DDAH1: variants seen among roughly 807,000 people sequenced by gnomAD.
DDAH1 encodes N(G),N(G)-dimethylarginine dimethylaminohydrolase 1.
DDAH1 carries 19 observed loss-of-function variants against 28.8 expected under a neutral mutation model. The ratio of observed to expected loss-of-function variants is 0.66; its 90% confidence interval spans 0.46 to 0.97. The LOEUF (loss-of-function observed/expected upper bound fraction) is 0.97, where lower values mean the gene tolerates loss of function less well. DDAH1 is among the 50% of genes least tolerant of loss of function. The probability of loss-of-function intolerance (pLI) is 0.00; values close to 1 mark genes in which losing one functional copy is unlikely to be tolerated. For missense variants in DDAH1, 326 were observed against 375.9 expected (o/e 0.87, Z 1.10); for synonymous variants, 153 against 154.4 (o/e 0.99, Z 0.07).
At chr1:85,522,483 A>G (rs1657725390) in intron 1 of DDAH1, among the ~76,000 whole-genome samples, 1 of 147,114 alleles carries the variant, frequency 6.8e-6, no homozygotes, top group Non-Finnish European at 1.5e-5. Context: ...TTCTGTGCTA[A>G]GCTACTGTAT....
At chr1:85,425,729 T>C (rs1653364294) in intron 1 of DDAH1, among the ~76,000 whole-genome samples, 1 of 152,162 alleles carries the variant, frequency 6.6e-6, no homozygotes, top group Non-Finnish European at 1.5e-5. Context: ...GTAGGTTATT[T>C]TGTTTCATTT....
At chr1:85,333,758 AAAC>A (rs1404556347) in intron 4 of DDAH1, among the ~76,000 whole-genome samples, 3 of 152,182 alleles carry the variant, frequency 2.0e-5, no homozygotes, top group African/African-American at 7.2e-5. Flanking sequence ...GAAGAAAAAA[AAAC>A]AAGAAAGAAG....
Position 85,319,746 on chromosome 1 carries a change from AAAGTT to A in DDAH1, c.*1701_*1705del. 6.6e-6 allele frequency: 1 copy of A among 152,252 alleles called. No homozygotes were observed. The highest frequency in any genetic ancestry group is 1.5e-5 in the Non-Finnish European group (1 of 68,040). 9.4% of individuals were successfully genotyped at this position (152,252 alleles called of 1,614,324 possible). ...GATATCTGCATATGGCATGAATTAA[AAAGTT>A]AAGCAACAAGGAAGAGAAGGAGGAG... is the stretch of plus-strand genomic sequence containing the variant. On this transcript the variant is annotated 3_prime_UTR_variant, in exon 6 of 6. Transcript: ENST00000284031.
upstream of DDAH1, among the ~76,000 whole-genome samples, chr1:85,469,232 C>G (rs1156987751): frequency 6.6e-6 from 1 of 152,172 alleles, no homozygotes; most frequent in East Asian, 1.9e-4. Flanking sequence ...TGGTGTCTGC[C>G]TCCAGAGAAC....
intron 1 of DDAH1, among the ~76,000 whole-genome samples, chr1:85,547,050 C>T (rs1283496285): frequency 1.3e-5 from 2 of 152,058 alleles, no homozygotes; most frequent in Admixed American, 6.6e-5. Context: ...TCAAAAAGTC[C>T]AGCTCAAACC....
At position 85,568,949 on chromosome 1, in the gene DDAH1, T is replaced by C. The variant is rs145938160; in HGVS notation, c.-123+9035A>G. Reference sequence around the variant, plus strand: ...ATATACACACTATTTATGCAAGCTCTCCTCTAGACTGTGTCATCCTCAAAG... The same window carrying C: ...ATATACACACTATTTATGCAAGCTCCCCTCTAGACTGTGTCATCCTCAAAG... On this transcript the variant is annotated intron_variant, in intron 1 of 6. Coordinates refer to the DDAH1 transcript ENST00000426972. Among the ~76,000 whole-genome samples the C allele has an allele frequency of 7.0e-4, 106 of 152,304 alleles. 2 individuals are homozygous for C. The Middle Eastern group carries it at 0.01, about 15-fold the overall frequency.
At chr1:85,565,712 G>C (rs969484482) in intron 1 of DDAH1, among the ~76,000 whole-genome samples, 8 of 152,176 alleles carry the variant, frequency 5.3e-5, no homozygotes, top group Admixed American at 5.2e-4. Flanking sequence ...AAGGAATAAG[G>C]AGCACCAGAA....
At chr1:85,542,802 A>G (rs932319964) in intron 1 of DDAH1, among the ~76,000 whole-genome samples, 12 of 152,212 alleles carry the variant, frequency 7.9e-5, no homozygotes, top group Non-Finnish European at 1.6e-4. Flanking sequence ...AAAGAAACAC[A>G]GGTTTTTAAA....
At chr1:85,484,095 C>T (rs1007350992) in intron 2 of DDAH1, among the ~76,000 whole-genome samples, 1 of 152,014 alleles carries the variant, frequency 6.6e-6, no homozygotes, top group Non-Finnish European at 1.5e-5. Context: ...AAATGCACTT[C>T]TCAGTACATT....
intron 4 of DDAH1, among the ~76,000 whole-genome samples, chr1:85,336,043 G>A (rs1333402491): frequency 1.3e-5 from 2 of 151,692 alleles, no homozygotes; most frequent in Non-Finnish European, 2.9e-5. Flanking sequence ...TCTAAAGGGA[G>A]AGACAGACTC....
intron 2 of DDAH1, among the ~76,000 whole-genome samples, chr1:85,479,278 A>G (rs1235915113): frequency 7.0e-6 from 1 of 141,894 alleles, no homozygotes; most frequent in South Asian, 2.2e-4. Flanking sequence ...GGTTCACGCC[A>G]TTCTCCTGCC....
At chr1:85,413,321 C>T (rs1652745966) in intron 1 of DDAH1, among the ~76,000 whole-genome samples, 1 of 152,144 alleles carries the variant, frequency 6.6e-6, no homozygotes, top group Non-Finnish European at 1.5e-5. Context: ...ACTGAAGAGC[C>T]AAAGCTAAGC....
chr1:85,562,495 T>C (rs1439469053), intron 1 of DDAH1, among the ~76,000 whole-genome samples: 2 of 152,126 alleles, frequency 1.3e-5, no homozygotes, highest in Non-Finnish European at 2.9e-5. Flanking sequence ...TGTTTGGAAA[T>C]AGGCTGTTTA....
At chr1:85,403,242 T>TAC (rs1338793761) in intron 1 of DDAH1, among the ~76,000 whole-genome samples, 3 of 60,718 alleles carry the variant, frequency 4.9e-5, no homozygotes, top group Admixed American at 4.7e-4. Flanking sequence ...TGTGTGTATA[T>TAC]ATACACACAC....
chr1:85,375,378 T>A lies in DDAH1; in HGVS notation c.304-16531A>T, dbSNP rs367870441. Among the ~76,000 whole-genome samples the A allele has an allele frequency of 1.5e-4, 23 of 152,216 alleles. No individual in the cohort carries two copies. The East Asian group carries it at 3.3e-3, about 22-fold the overall frequency. On this transcript the variant is annotated intron_variant, in intron 1 of 5. Coordinates refer to ENST00000284031, the MANE Select transcript of DDAH1 (RefSeq NM_012137.4). ...ACACCTGATATTCCATAAGACTAGA[T>A]GAGGCTGCCAGCTCCTTGTCCACAC... is the stretch of plus-strand genomic sequence containing the variant.
chr1:85,464,681 C>T lies in DDAH1; in HGVS notation c.303+62G>A. 1.4e-6 allele frequency: 2 copies of T among 1,426,296 alleles called. No homozygotes were observed. Among genetic ancestry groups the T allele is most frequent in the East Asian group, 2.7e-5 (1 of 37,108 alleles). The allele number at this position is 1,426,296 out of a possible 1,614,324, so 88.4% of individuals were successfully genotyped here. A position where few individuals can be genotyped will look rare whatever the true frequency, so the allele number is the denominator to read the frequency against. ...TGGCGCGACTCCCCAGGCAACACGG[C>T]GGCCGGCGGCGGGGGAGGGCCTGGC... On this transcript the variant is annotated intron_variant, in intron 1 of 5. Transcript: ENST00000284031. This position sits in a 1 kb window ranked among gnomAD's most constrained non-coding sequence, Gnocchi z 4.4.
At chr1:85,511,619 GAA>G (rs1657236585) in intron 1 of DDAH1, among the ~76,000 whole-genome samples, 1 of 151,984 alleles carries the variant, frequency 6.6e-6, no homozygotes, top group African/African-American at 2.4e-5. Context: ...TAATAAAGAA[GAA>G]ACGAGAGAAG....
intron 1 of DDAH1, among the ~76,000 whole-genome samples, chr1:85,542,042 T>C (rs936422275): frequency 1.4e-4 from 22 of 152,196 alleles, no homozygotes; most frequent in Admixed American, 7.2e-4. Flanking sequence ...AAACAACTTC[T>C]TGATGTGGAT....
intron 1 of DDAH1, among the ~76,000 whole-genome samples, chr1:85,378,419 GT>G (rs1234735000): frequency 6.6e-6 from 1 of 152,100 alleles, no homozygotes; most frequent in African/African-American, 2.4e-5. Flanking sequence ...TATTTTTATT[GT>G]TTTTTTGAGA....
Sources: gnomAD v4.1 joint callset for allele counts (sites outside exome capture counted in the v4.1 genomes callset) on GRCh38, gnomAD v4.1.1 for gene constraint, Gnocchi (gnomAD v3.1) non-coding constraint, MANE v1.5 for transcripts, NCBI Gene and HGNC (gene_info 2026-07-23, HGNC 2026-07-21) for gene names.